Variants in PLBD1 observed in about 807,000 individuals in gnomAD.
The protein encoded by PLBD1 is phospholipase B domain containing 1.
PLBD1 carries 60 observed loss-of-function variants against 63.0 expected under a neutral mutation model. The ratio of observed to expected loss-of-function variants is 0.95; its 90% CI spans 0.77 to 1.18. The LOEUF is 1.18. Among genes scored for constraint, PLBD1 ranks in the 50% most tolerant of loss-of-function variants. PLBD1 has a pLI of 0.00. For synonymous variants in PLBD1, 262 were observed against 248.0 expected (o/e 1.06, Z -0.53); for missense variants, 598 against 677.9 (o/e 0.88, Z 1.31).
intron 10 of PLBD1, among the ~76,000 whole-genome samples, chr12:14,505,002 A>C (rs915765788): frequency 1.3e-5 from 2 of 152,150 alleles, no homozygotes; most frequent in Non-Finnish European, 2.9e-5. Flanking sequence ...TCTGTGATAG[A>C]TACAAACTTC....
rs560760440 is a variant in PLBD1, at chr12:14,513,489, A to G, written c.845-1778T>C. 9.4e-4 allele frequency among the ~76,000 whole-genome samples: 143 copies of G among 152,296 alleles called. 1 individual carries two copies. Among genetic ancestry groups the G allele is most frequent in the Non-Finnish European group, 1.7e-3 (113 of 68,022 alleles). ...CCACCAGCCCTATGCATGCTATTAC[A>G]CATCTATTCTAGCCTAGTATGGAAT... On this transcript the variant is annotated intron_variant, in intron 6 of 10. Transcript: ENST00000240617.
intron 6 of PLBD1, among the ~76,000 whole-genome samples, chr12:14,524,430 TTA>T (rs1174148869): frequency 2.0e-5 from 3 of 152,146 alleles, no homozygotes; most frequent in African/African-American, 7.2e-5. Flanking sequence ...ATATGTACAA[TTA>T]TATGTCATTT....
At chr12:14,509,496 A>G (rs1228642590) in intron 8 of PLBD1, among the ~76,000 whole-genome samples, 2 of 151,346 alleles carry the variant, frequency 1.3e-5, no homozygotes, top group Non-Finnish European at 2.9e-5. Flanking sequence ...TTTCCTAACA[A>G]GCAAAGAAGA....
chr12:14,564,463 T>C (rs1565582652), intron 1 of PLBD1, among the ~76,000 whole-genome samples: 2 of 152,234 alleles, frequency 1.3e-5, no homozygotes, highest in African/African-American at 4.8e-5. Context: ...CTCTCTCGGC[T>C]GACTCAAGTG....
At chr12:14,562,881 AC>A (rs150632219) in intron 1 of PLBD1, among the ~76,000 whole-genome samples, 28 of 152,338 alleles carry the variant, frequency 1.8e-4, no homozygotes, top group African/African-American at 6.3e-4. Context: ...ATAACAAGTG[AC>A]AATGTAAAAT....
At chr12:14,551,362 A>G (rs1945658008) in intron 2 of PLBD1, among the ~76,000 whole-genome samples, 1 of 152,330 alleles carries the variant, frequency 6.6e-6, no homozygotes, top group East Asian at 1.9e-4. Context: ...CTCTAACTCA[A>G]AACAAACAAA....
At chr12:14,508,196 T>G (rs1225493324) in intron 8 of PLBD1, among the ~76,000 whole-genome samples, 1 of 152,238 alleles carries the variant, frequency 6.6e-6, no homozygotes, top group Non-Finnish European at 1.5e-5. Context: ...AGGAATTAGA[T>G]TGCCTGGATT....
intron 8 of PLBD1, among the ~76,000 whole-genome samples, chr12:14,508,397 T>C (rs754664338): frequency 6.6e-6 from 1 of 152,242 alleles, no homozygotes; most frequent in Non-Finnish European, 1.5e-5. Flanking sequence ...ATTATATTTC[T>C]CTTTGTGAAA....
intron 1 of PLBD1, among the ~76,000 whole-genome samples, chr12:14,562,459 C>CAA (rs58838197): frequency 0.017 from 1,710 of 101,410 alleles, 80 homozygotes; most frequent in Middle Eastern, 0.028. Context: ...GACTCCCTCT[C>CAA]AAAAAAAAAA....
At chr12:14,522,542 A>G (rs1945384690) in intron 6 of PLBD1, among the ~76,000 whole-genome samples, 1 of 152,146 alleles carries the variant, frequency 6.6e-6, no homozygotes, top group Admixed American at 6.6e-5. Flanking sequence ...CCAAAACCTG[A>G]TAAGGACACA....
At chr12:14,566,998 G>C (rs1416591529) in intron 1 of PLBD1, among the ~76,000 whole-genome samples, 1 of 152,068 alleles carries the variant, frequency 6.6e-6, no homozygotes, top group Non-Finnish European at 1.5e-5. Context: ...GGGAAGCTGA[G>C]GGAGGAGAAT....
chr12:14,563,809 T>C (rs1046786695), intron 1 of PLBD1, among the ~76,000 whole-genome samples: 1 of 152,140 alleles, frequency 6.6e-6, no homozygotes, highest in African/African-American at 2.4e-5. Flanking sequence ...GGCATTAGGG[T>C]TCCAAAGGAT....
chr12:14,551,518 C>T (rs2136930334), intron 2 of PLBD1, among the ~76,000 whole-genome samples: 1 of 152,194 alleles, frequency 6.6e-6, no homozygotes, highest in East Asian at 1.9e-4. Context: ...ATAAAGCCAC[C>T]TTCAAAAGTG....
At position 14,566,850 on chromosome 12, in the gene PLBD1, C is replaced by T. The variant is rs904497642; in HGVS notation, c.115+732G>A. ...GTGGCTCATGCCTGTAATCCCAGCA[C>T]TTTGGGAGGCCGAGGCAGGCGGATC... On this transcript the variant is annotated intron_variant, in intron 1 of 10. Coordinates refer to ENST00000240617, the MANE Select transcript of PLBD1 (RefSeq NM_024829.6). Among the ~76,000 whole-genome samples the T allele has an allele frequency of 2.0e-5, 3 of 150,286 alleles. No individual in the cohort carries two copies. The East Asian group carries it at 5.9e-4, about 30-fold the overall frequency.
rs187020308 is a variant in PLBD1 at position 14,525,000 on chromosome 12, C to G, written c.844+10659G>C. On this transcript the variant is annotated intron_variant, in intron 6 of 10. Transcript: ENST00000240617. ...GATTGTGGCTGGGCATGGTGGCTCA[C>G]GCCTGTAATCCCAGCACTTTGGGAG... is the stretch of plus-strand genomic sequence containing the variant. Among the ~76,000 whole-genome samples the G allele has an allele frequency of 7.6e-3, 1,160 of 152,308 alleles. 27 individuals carry two copies. Among genetic ancestry groups the G allele is most frequent in the African/African-American group, 0.027 (1,119 of 41,564 alleles).
intron 6 of PLBD1, among the ~76,000 whole-genome samples, chr12:14,534,583 G>A (rs1479551514): frequency 7.1e-6 from 1 of 141,228 alleles, no homozygotes; most frequent in Admixed American, 7.6e-5. Context: ...TCGCTCTGTC[G>A]CCCAGGCTGG....
rs1026891816 is a variant in PLBD1, at chr12:14,563,498, A to G, written c.115+4084T>C. ...GCGCCTTTGCACTCCAGCTTGGGCA[A>G]CAGAGCAAGACTCTGTCTCAAAAAA... On this transcript the variant is annotated intron_variant, in intron 1 of 10. Transcript: ENST00000240617. 2.0e-5 allele frequency among the ~76,000 whole-genome samples: 3 copies of G among 147,798 alleles called. No individual in the cohort carries two copies. The Admixed American group carries it at 2.1e-4, about 10-fold the overall frequency.
intron 8 of PLBD1, among the ~76,000 whole-genome samples, chr12:14,508,034 G>A (rs1945269635): frequency 6.6e-6 from 1 of 152,178 alleles, no homozygotes; most frequent in African/African-American, 2.4e-5. Flanking sequence ...CTTTAGGGGT[G>A]AGGTTACTGA....
chr12:14,552,064 T>A (rs1478176410), intron 2 of PLBD1, among the ~76,000 whole-genome samples: 3 of 152,194 alleles, frequency 2.0e-5, no homozygotes, highest in Non-Finnish European at 2.9e-5. Flanking sequence ...TAACTAGTCA[T>A]TCAACATCTG....
Sources: allele counts gnomAD v4.1 joint callset (sites outside exome capture counted in the v4.1 genomes callset), GRCh38; gene constraint gnomAD v4.1.1; transcripts MANE v1.5; gene names NCBI Gene and HGNC (gene_info 2026-07-23, HGNC 2026-07-21).